ASIC2: variants seen among roughly 807,000 people sequenced by gnomAD.
ASIC2 encodes acid-sensing ion channel 2.
Under a neutral mutation model 57.3 loss-of-function variants are expected in ASIC2, and 25 were observed. The observed-to-expected ratio is 0.44, with a 90% CI of 0.32 to 0.61. ASIC2 has a LOEUF of 0.61. Ranked by LOEUF, ASIC2 falls within the 20% of genes least tolerant of loss-of-function variation. The pLI is 0.06. For missense variants in ASIC2, 641 were observed against 738.1 expected (o/e 0.87, Z 1.52); for synonymous variants, 319 against 307.5 (o/e 1.04, Z -0.39).
chr17:33,256,446 T>C (rs1344292533), intron 1 of ASIC2, among the ~76,000 whole-genome samples: 2 of 152,220 alleles, frequency 1.3e-5, no homozygotes, highest in Non-Finnish European at 2.9e-5. Context: ...CTTCCTATTA[T>C]ATTTTTTTTA....
chr17:33,567,612 G>A (rs1597788088), intron 1 of ASIC2, among the ~76,000 whole-genome samples: 1 of 152,298 alleles, frequency 6.6e-6, no homozygotes, highest in Admixed American at 6.5e-5. Context: ...CCTGTGGAGG[G>A]AGAGTCAATA....
chr17:34,007,719 G>A (rs1279634820), intron 1 of ASIC2, among the ~76,000 whole-genome samples: 1 of 152,150 alleles, frequency 6.6e-6, no homozygotes, highest in African/African-American at 2.4e-5. Context: ...ACTGCATCCT[G>A]CCTCCTTCTA....
intron 1 of ASIC2, among the ~76,000 whole-genome samples, chr17:33,985,400 G>C (rs936253335): frequency 1.3e-5 from 2 of 152,162 alleles, no homozygotes; most frequent in Non-Finnish European, 2.9e-5. Context: ...TGTCCTCGGA[G>C]TGTCCAGGGT....
intron 1 of ASIC2, among the ~76,000 whole-genome samples, chr17:34,153,077 C>T (rs1201562324): frequency 6.6e-6 from 1 of 152,230 alleles, no homozygotes. Flanking sequence ...AGCCTTCTCT[C>T]ACTCTGCTAG....
intron 1 of ASIC2, among the ~76,000 whole-genome samples, chr17:33,162,783 G>A (rs1432118776): frequency 6.6e-6 from 1 of 152,174 alleles, no homozygotes; most frequent in Admixed American, 6.5e-5. Flanking sequence ...AGTAGGTAGG[G>A]GGCCGTGGCT....
chr17:33,998,219 G>T (rs1007242247), intron 1 of ASIC2, among the ~76,000 whole-genome samples: 1 of 151,964 alleles, frequency 6.6e-6, no homozygotes, highest in Non-Finnish European at 1.5e-5. Context: ...TTGTATTTCT[G>T]CAGTATTAGT....
chr17:33,578,860 G>C (rs1362693457), intron 1 of ASIC2, among the ~76,000 whole-genome samples: 1 of 152,196 alleles, frequency 6.6e-6, no homozygotes, highest in Non-Finnish European at 1.5e-5. Flanking sequence ...ATTGGGGTCT[G>C]TGACCTGAAA....
rs1237816857 is a variant in ASIC2 at position 33,219,318 on chromosome 17, C to A, written c.708+72090G>T. ...CCCTTGATGCCAAGCACTTTACACA[C>A]ATTACTTCATATCTTACTTCAGTTA... On this transcript the variant is annotated intron_variant, in intron 1 of 9. Coordinates refer to ENST00000225823, the MANE Select transcript of ASIC2 (RefSeq NM_183377.2). 2.0e-5 allele frequency among the ~76,000 whole-genome samples: 3 copies of A among 152,346 alleles called. No individual in the cohort carries two copies. In the East Asian group the frequency reaches 5.8e-4, roughly 29 times the overall value.
At position 33,088,902 on chromosome 17, in the gene ASIC2, A is replaced by C; in HGVS notation, c.948T>G (p.Ala316=). The part of the protein sequence containing the change: ...PFIQELGFGV[A]PGFQTFVATQ... ...TGGCCACAAAGGTCTGGAACCCTGG[A>C]GCCACCCCAAAGCCCAGCTCTTGGA... Residue 316 remains alanine, a synonymous_variant, in exon 3 of 10, where the codon GCT becomes GCG. Coordinates refer to ENST00000225823, the MANE Select transcript of ASIC2 (RefSeq NM_183377.2). 1.9e-6 allele frequency: 3 copies of C among 1,613,978 alleles called. No homozygotes were observed. The highest frequency in any genetic ancestry group is 2.5e-6 in the Non-Finnish European group (3 of 1,179,950).
chr17:33,435,340 T>C lies in ASIC2; in HGVS notation c.556-323273A>G, dbSNP rs571340199. On this transcript the variant is annotated intron_variant, in intron 1 of 9. Transcript: ENST00000359872. ...ACAATAAGTCTGGGATATCTTGTCATAGTAAATAGCAAAGAAATCACCAAA... is the reference window on the plus strand; with the variant it reads ...ACAATAAGTCTGGGATATCTTGTCACAGTAAATAGCAAAGAAATCACCAAA... Among the ~76,000 whole-genome samples, 8 of 152,190 alleles carry C rather than the reference T, an allele frequency of 5.3e-5. No individual in the cohort carries two copies. The East Asian group carries it at 1.5e-3, about 29-fold the overall frequency.
chr17:33,063,877 C>A (rs1319062127), intron 3 of ASIC2, among the ~76,000 whole-genome samples: 1 of 152,140 alleles, frequency 6.6e-6, no homozygotes, highest in African/African-American at 2.4e-5. Context: ...TCTTTTTTCT[C>A]TAAACTTCTC....
At chr17:34,141,298 T>C (rs1279795820) in intron 1 of ASIC2, among the ~76,000 whole-genome samples, 1 of 152,246 alleles carries the variant, frequency 6.6e-6, no homozygotes, top group Non-Finnish European at 1.5e-5. Flanking sequence ...AGGACCTTAG[T>C]GGACCACTGT....
chr17:33,427,068 C>A (rs1256290546), intron 1 of ASIC2, among the ~76,000 whole-genome samples: 2 of 152,086 alleles, frequency 1.3e-5, no homozygotes. Flanking sequence ...GATCAAGGTG[C>A]AAAATGGAGT....
At chr17:34,048,619 C>T (rs541039704) in intron 1 of ASIC2, among the ~76,000 whole-genome samples, 43 of 152,310 alleles carry the variant, frequency 2.8e-4, no homozygotes, top group African/African-American at 8.9e-4. Context: ...TACAGCTAAA[C>T]GACCTTGGAC....
intron 1 of ASIC2, among the ~76,000 whole-genome samples, chr17:33,289,453 C>T (rs1462260056): frequency 6.6e-6 from 1 of 152,168 alleles, no homozygotes; most frequent in Non-Finnish European, 1.5e-5. Context: ...GGGGTGGCTC[C>T]ACTTTCCACT....
chr17:33,233,294 C>A (rs569544976), intron 1 of ASIC2, among the ~76,000 whole-genome samples: 160 of 151,562 alleles, frequency 1.1e-3, no homozygotes, highest in Non-Finnish European at 1.7e-3. Context: ...ACCTAAATCC[C>A]AAATCCTCTT....
At chr17:33,736,731 G>A (rs1909923098) in intron 1 of ASIC2, among the ~76,000 whole-genome samples, 1 of 151,934 alleles carries the variant, frequency 6.6e-6, no homozygotes, top group South Asian at 2.1e-4. Context: ...GATCATTAGG[G>A]AGTGACCTTT....
At chr17:33,218,912 G>A (rs530175999) in intron 1 of ASIC2, among the ~76,000 whole-genome samples, 15 of 152,298 alleles carry the variant, frequency 9.8e-5, no homozygotes, top group Non-Finnish European at 1.8e-4. Context: ...TGCCACGCAT[G>A]TTTTCCAACC....
rs1200121782 is a variant in ASIC2 at position 33,013,928 on chromosome 17, G to T, written c.*37C>A. 3 of 1,498,634 alleles carry T rather than the reference G, an allele frequency of 2.0e-6. No individual in the cohort carries two copies. The highest frequency in any genetic ancestry group is 2.8e-5 in the African/African-American group (2 of 72,014). 92.8% of individuals were successfully genotyped at this position (1,498,634 alleles called of 1,614,324 possible). A position where few individuals can be genotyped will look rare whatever the true frequency, so the allele number is the denominator to read the frequency against. On this transcript the variant is annotated 3_prime_UTR_variant, in exon 10 of 10. Transcript: ENST00000225823. ...CTTGTCCTGGGTCTTGGGCCTCAAG[G>T]TCTGTTTGGAGGGAGTGCTGGGTGA...
Sources: gnomAD v4.1 joint callset for allele counts (sites outside exome capture counted in the v4.1 genomes callset) on GRCh38, gnomAD v4.1.1 for gene constraint, MANE v1.5 for transcripts, NCBI Gene and HGNC (gene_info 2026-07-23, HGNC 2026-07-21) for gene names.